The following BICD1 variants were observed in gnomAD, a reference collection of about 807,000 sequenced individuals.
BICD1 encodes the protein BICD cargo adaptor 1.
BICD1 carries 35 observed loss-of-function variants against 92.5 expected under a neutral mutation model. The observed-to-expected ratio is 0.38, with a 90% CI of 0.29 to 0.50. BICD1 has a LOEUF of 0.50. Among genes scored for constraint, BICD1 ranks in the 20% least tolerant of loss-of-function variants. The pLI, the probability that BICD1 is intolerant of heterozygous loss-of-function variation, is 0.93. For synonymous variants in BICD1, 429 were observed against 465.1 expected (o/e 0.92, Z 1.00); for missense variants, 950 against 1,189.8 (o/e 0.80, Z 2.97).
At chr12:32,207,650 A>G (rs1298807316) in intron 1 of BICD1, among the ~76,000 whole-genome samples, 1 of 152,202 alleles carries the variant, frequency 6.6e-6, no homozygotes, top group Non-Finnish European at 1.5e-5. Flanking sequence ...GACGGACTTT[A>G]TAATTGGGTG....
intron 1 of BICD1, among the ~76,000 whole-genome samples, chr12:32,177,813 AAT>A (rs1226701051): frequency 7.7e-6 from 1 of 130,356 alleles, no homozygotes; most frequent in Admixed American, 7.6e-5. Context: ...ATTTATATAA[AAT>A]ATAAAATATT....
intron 2 of BICD1, among the ~76,000 whole-genome samples, chr12:32,231,731 C>T (rs1945895674): frequency 6.7e-6 from 1 of 148,280 alleles, no homozygotes; most frequent in African/African-American, 2.5e-5. Flanking sequence ...CAATGCTATC[C>T]TTCCCCCCTC....
Position 32,350,202 on chromosome 12 carries a change from G to A in BICD1, c.2764+11223G>A, listed in dbSNP as rs753233828. On this transcript the variant is annotated intron_variant, in intron 8 of 9. Coordinates refer to ENST00000652176, the MANE Select transcript of BICD1 (RefSeq NM_001714.4). ...TCCTTTATTTTAAATGATGTAGTGA[G>A]CCAGGCGTGGTGGCTCATGCCTGTA... 3.9e-5 allele frequency among the ~76,000 whole-genome samples: 6 copies of A among 152,198 alleles called. No individual in the cohort carries two copies. The East Asian group carries it at 1.2e-3, about 29-fold the overall frequency.
At chr12:32,252,913 C>T (rs1946605765) in intron 2 of BICD1, among the ~76,000 whole-genome samples, 2 of 152,112 alleles carry the variant, frequency 1.3e-5, no homozygotes, top group South Asian at 4.2e-4. Flanking sequence ...ACTCTGTCAT[C>T]CCGGCTGGAG....
chr12:32,348,853 C>T (rs1253809125), intron 8 of BICD1, among the ~76,000 whole-genome samples: 3 of 150,178 alleles, frequency 2.0e-5, no homozygotes, highest in Non-Finnish European at 4.4e-5. Context: ...GCCTCAGGCT[C>T]ACTGAAGTGA....
intron 9 of BICD1, among the ~76,000 whole-genome samples, chr12:32,372,035 C>T (rs1939758284): frequency 6.6e-6 from 1 of 152,228 alleles, no homozygotes; most frequent in Admixed American, 6.5e-5. Flanking sequence ...ATTTCAGTTA[C>T]ACTGTGAGGA....
intron 9 of BICD1, among the ~76,000 whole-genome samples, chr12:32,377,262 A>G (rs1940009190): frequency 6.6e-6 from 1 of 152,224 alleles, no homozygotes; most frequent in African/African-American, 2.4e-5. Context: ...CTTCTGTAAA[A>G]TGCTGGGGGC....
At chr12:32,222,139 A>G (rs906412936) in intron 2 of BICD1, among the ~76,000 whole-genome samples, 1 of 152,230 alleles carries the variant, frequency 6.6e-6, no homozygotes, top group African/African-American at 2.4e-5. Context: ...ATTAACTGCA[A>G]TATTTACAAA....
intron 1 of BICD1, among the ~76,000 whole-genome samples, chr12:32,159,571 C>A (rs1184541379): frequency 6.6e-6 from 1 of 152,170 alleles, no homozygotes; most frequent in African/African-American, 2.4e-5. Context: ...CAGCACCAAC[C>A]ACTTGGTCCC....
At chr12:32,201,492 AAG>A (rs1944905340) in intron 1 of BICD1, among the ~76,000 whole-genome samples, 3 of 151,996 alleles carry the variant, frequency 2.0e-5, no homozygotes, top group African/African-American at 7.2e-5. Context: ...GAAAGAAAGA[AAG>A]GGGGAGCAGG....
At chr12:32,239,499 G>C (rs1210480020) in intron 2 of BICD1, among the ~76,000 whole-genome samples, 1 of 149,474 alleles carries the variant, frequency 6.7e-6, no homozygotes, top group Non-Finnish European at 1.5e-5. Flanking sequence ...CCAGGAGGCA[G>C]AGGTTGCAGT....
chr12:32,223,118 C>A (rs759319406), intron 2 of BICD1, among the ~76,000 whole-genome samples: 1 of 152,242 alleles, frequency 6.6e-6, no homozygotes, highest in African/African-American at 2.4e-5. Flanking sequence ...TCACCTTGCA[C>A]TTTATGTTAT....
chr12:32,148,836 A>G (rs1458050730), intron 1 of BICD1, among the ~76,000 whole-genome samples: 1 of 152,174 alleles, frequency 6.6e-6, no homozygotes, highest in Non-Finnish European at 1.5e-5. Flanking sequence ...CCTAGGCAAC[A>G]TGGTGAAACC....
Position 32,215,852 on chromosome 12 carries a change from G to C in BICD1, c.214-395G>C, listed in dbSNP as rs546669901. 3.3e-5 allele frequency among the ~76,000 whole-genome samples: 5 copies of C among 150,366 alleles called. No individual in the cohort carries two copies. The East Asian group carries it at 6.0e-4, about 18-fold the overall frequency. On this transcript the variant is annotated intron_variant, in intron 1 of 9. Transcript: ENST00000652176. Reference sequence around the variant, plus strand: ...ACCTGTAGTCCCAGCTACTCGGGAGGCTGAGGCAGGAGAATGGCGTGAACC... The same window carrying C: ...ACCTGTAGTCCCAGCTACTCGGGAGCCTGAGGCAGGAGAATGGCGTGAACC...
At chr12:32,243,209 C>T (rs1364907954) in intron 2 of BICD1, among the ~76,000 whole-genome samples, 1 of 151,218 alleles carries the variant, frequency 6.6e-6, no homozygotes, top group African/African-American at 2.4e-5. Context: ...GAGATCCTCC[C>T]ATCTCAGCCT....
intron 2 of BICD1, among the ~76,000 whole-genome samples, chr12:32,246,990 G>T (rs1172630699): frequency 1.3e-5 from 2 of 152,108 alleles, no homozygotes; most frequent in Non-Finnish European, 2.9e-5. Context: ...AGGCACCGTG[G>T]CTCACACCTG....
intron 1 of BICD1, among the ~76,000 whole-genome samples, chr12:32,193,074 C>A (rs942683661): frequency 6.6e-6 from 1 of 152,132 alleles, no homozygotes; most frequent in Non-Finnish European, 1.5e-5. Flanking sequence ...AGGATTGACT[C>A]CAATTTTGAA....
chr12:32,177,745 A>ATATATTTATATATTTATATAAT (rs1217401732), intron 1 of BICD1, among the ~76,000 whole-genome samples: 4 of 140,410 alleles, frequency 2.8e-5, no homozygotes, highest in Admixed American at 1.5e-4. Context: ...ATTTATATAA[A>ATATATTTATATATTTATATAAT]ATATATATAA....
At chr12:32,344,227 C>T (rs1938485685) in intron 8 of BICD1, among the ~76,000 whole-genome samples, 3 of 152,090 alleles carry the variant, frequency 2.0e-5, no homozygotes, top group Non-Finnish European at 2.9e-5. Flanking sequence ...TCGTAATAGG[C>T]AGAAGGTGGC....
Sources: allele counts gnomAD v4.1 joint callset (sites outside exome capture counted in the v4.1 genomes callset), GRCh38; gene constraint gnomAD v4.1.1; transcripts MANE v1.5; gene names NCBI Gene and HGNC (gene_info 2026-07-23, HGNC 2026-07-21).